The following ADGRG7 variants were observed in gnomAD, a reference collection of about 807,000 sequenced individuals.
The protein encoded by ADGRG7 is G-protein coupled receptor 128.
A neutral mutation model predicts 88.6 loss-of-function variants in ADGRG7; 82 were observed. That is an observed-to-expected ratio of 0.93 (90% CI 0.77 to 1.11). The LOEUF (loss-of-function observed/expected upper bound fraction) is 1.11, where lower values mean the gene tolerates loss of function less well. ADGRG7 is among the 50% of genes most tolerant of loss of function. The pLI is 0.00. For missense variants in ADGRG7, 945 were observed against 953.4 expected (o/e 0.99, Z 0.12); for synonymous variants, 381 against 345.2 (o/e 1.10, Z -1.15).
chr3:100,645,915 A>C, intron 8 of ADGRG7, 30 bp from the exon 9 acceptor site: 1 of 1,596,982 alleles, frequency 6.3e-7, no homozygotes, highest in East Asian at 2.2e-5. Flanking sequence ...CAGTGCACTT[A>C]TTGATTTTAA....
At chr3:100,653,852 G>A (rs2094933531) in intron 11 of ADGRG7, among the ~76,000 whole-genome samples, 1 of 151,990 alleles carries the variant, frequency 6.6e-6, no homozygotes, top group African/African-American at 2.4e-5. Context: ...AACTCCAGGA[G>A]CACAAAAGGA....
Position 100,633,393 on chromosome 3 carries a change from C to A in ADGRG7, c.447+16C>A. On this transcript the variant is annotated intron_variant, in intron 4 of 15. Transcript: ENST00000273352. Reference sequence around the variant, plus strand: ...GGAAAAGCAGGTATGCCATATGACTCACTGATGGGCAACTGGAAGAAGTTC... The same window carrying A: ...GGAAAAGCAGGTATGCCATATGACTAACTGATGGGCAACTGGAAGAAGTTC... 2 of 1,380,604 alleles carry A rather than the reference C, an allele frequency of 1.4e-6. No individual in the cohort carries two copies. Among genetic ancestry groups the A allele is most frequent in the Non-Finnish European group, 2.0e-6 (2 of 997,692 alleles). 85.5% of individuals were successfully genotyped at this position (1,380,604 alleles called of 1,614,324 possible).
chr3:100,641,817 G>T (rs1023127047), intron 6 of ADGRG7, among the ~76,000 whole-genome samples: 12 of 152,084 alleles, frequency 7.9e-5, no homozygotes, highest in African/African-American at 2.7e-4. Context: ...TTAATTTGTG[G>T]TTTTTCTCAC....
chr3:100,636,579 T>C (rs1287412809), intron 5 of ADGRG7, among the ~76,000 whole-genome samples: 4 of 152,156 alleles, frequency 2.6e-5, no homozygotes, highest in African/African-American at 9.7e-5. Context: ...TGTGTATAGG[T>C]TGAATATCAG....
chr3:100,620,361 C>G (rs970540406), intron 1 of ADGRG7, among the ~76,000 whole-genome samples: 44 of 152,180 alleles, frequency 2.9e-4, no homozygotes, highest in Non-Finnish European at 5.0e-4. Context: ...TTCAACAGCC[C>G]TTCATGCTAA....
chr3:100,654,652 A>G, intron 11 of ADGRG7, 183 bp from the exon 12 acceptor site: 1 of 517,020 alleles, frequency 1.9e-6, no homozygotes, highest in Non-Finnish European at 3.4e-6. Flanking sequence ...TGGAAATGAT[A>G]AGAGGAAAGT....
At chr3:100,640,228 TC>T (rs1707617589) in intron 6 of ADGRG7, among the ~76,000 whole-genome samples, 2 of 152,230 alleles carry the variant, frequency 1.3e-5, no homozygotes, top group Admixed American at 6.5e-5. Flanking sequence ...CCAAACTCTA[TC>T]TTCTGAACCT....
chr3:100,624,183 C>T lies in ADGRG7; in HGVS notation c.116-5415C>T, dbSNP rs1444052577. Among the ~76,000 whole-genome samples the T allele has an allele frequency of 2.0e-5, 3 of 152,196 alleles. No homozygotes were observed. The East Asian group carries it at 5.8e-4, about 29-fold the overall frequency. On this transcript the variant is annotated intron_variant, in intron 1 of 15. Transcript: ENST00000273352. ...GTGTAAAAGCATTCCTATTTCTCCACAGCCTTGCCAGCATATATTGTTTCT... is the reference window on the plus strand; with the variant it reads ...GTGTAAAAGCATTCCTATTTCTCCATAGCCTTGCCAGCATATATTGTTTCT...
intron 4 of ADGRG7, among the ~76,000 whole-genome samples, chr3:100,633,850 T>C (rs1707492119): frequency 1.3e-5 from 2 of 152,316 alleles, no homozygotes; most frequent in Non-Finnish European, 2.9e-5. Context: ...TTTTAAAAGT[T>C]GACATCAGTT....
intron 13 of ADGRG7, 38 bp from the exon 14 acceptor site, chr3:100,659,650 T>A: frequency 6.2e-7 from 1 of 1,602,624 alleles, no homozygotes; most frequent in Non-Finnish European, 8.5e-7. Context: ...TGTATACCTT[T>A]CTTAGTCTGC....
At chr3:100,640,402 G>A (rs542870554) in intron 6 of ADGRG7, among the ~76,000 whole-genome samples, 1 of 152,208 alleles carries the variant, frequency 6.6e-6, no homozygotes, top group African/African-American at 2.4e-5. Context: ...AAAGGGAGGA[G>A]AGTGACAGAG....
intron 4 of ADGRG7, among the ~76,000 whole-genome samples, chr3:100,634,382 C>T (rs1032198801): frequency 6.6e-6 from 1 of 152,024 alleles, no homozygotes; most frequent in Non-Finnish European, 1.5e-5. Flanking sequence ...CTACTGCATG[C>T]CAAATATTGT....
chr3:100,693,480 A>T (rs1258493248), intron 15 of ADGRG7, among the ~76,000 whole-genome samples: 1 of 152,186 alleles, frequency 6.6e-6, no homozygotes, highest in Non-Finnish European at 1.5e-5. Context: ...TTTTGGCCAG[A>T]GAACAAGTCT....
In ADGRG7 at chr3:100,609,783, T is replaced by G; in HGVS notation, c.-74T>G. On this transcript the variant is annotated 5_prime_UTR_variant, in exon 1 of 16. The change creates a new upstream start codon in the 5' untranslated region. Coordinates refer to ENST00000273352, the MANE Select transcript of ADGRG7 (RefSeq NM_032787.3). Reference sequence around the variant, plus strand: ...TTTCTGTTTTAGAATAGTTTCCGATTAAACTTTTTAGCTCAAGAAGAAAAG... The same window carrying G: ...TTTCTGTTTTAGAATAGTTTCCGATGAAACTTTTTAGCTCAAGAAGAAAAG... 1 of 1,127,580 alleles carries G rather than the reference T, an allele frequency of 8.9e-7. No individual in the cohort carries two copies. The allele number at this position is 1,127,580 out of a possible 1,614,324, so 69.8% of individuals were successfully genotyped here.
intron 14 of ADGRG7, chr3:100,664,938 G>T: frequency 3.0e-6 from 1 of 329,894 alleles, no homozygotes; most frequent in Non-Finnish European, 6.1e-6. Flanking sequence ...TTTCTTTACT[G>T]CAGAAAACAA....
rs752268742 is a variant in ADGRG7, at chr3:100,633,350, T to C, written c.420T>C (p.Asn140=). 6.3e-7 allele frequency: 1 copy of C among 1,587,872 alleles called. No individual in the cohort carries two copies. The highest frequency in any genetic ancestry group is 8.6e-7 in the Non-Finnish European group (1 of 1,166,400). ...ELQKVTIGNC[N]ENLETLEKQV... ...AAAAAGTGACAATAGGAAATTGCAA[T>C]GAAAATCTGGAAACCCTGGAAAAGC... is the stretch of plus-strand genomic sequence containing the variant. Residue 140 remains asparagine (N), a synonymous_variant, in exon 4 of 16, where the codon AAT becomes AAC. Coordinates refer to ENST00000273352, the MANE Select transcript of ADGRG7 (RefSeq NM_032787.3).
chr3:100,621,240 G>C (rs770012126), intron 1 of ADGRG7, among the ~76,000 whole-genome samples: 1 of 152,176 alleles, frequency 6.6e-6, no homozygotes, highest in South Asian at 2.1e-4. Flanking sequence ...TGAGCGAAAG[G>C]AAGAGTTGCA....
chr3:100,637,442 G>T, intron 6 of ADGRG7, 40 bp downstream of exon 6: 1 of 1,377,392 alleles, frequency 7.3e-7, no homozygotes, highest in Non-Finnish European at 1.0e-6. Context: ...CTTGACTAAG[G>T]GCTGTTTACT....
intron 15 of ADGRG7, among the ~76,000 whole-genome samples, chr3:100,686,663 T>G (rs1464205942): frequency 6.6e-6 from 1 of 152,192 alleles, no homozygotes; most frequent in African/African-American, 2.4e-5. Flanking sequence ...TTTTCTTAGG[T>G]TTGTCAAAGA....
Sources: allele counts gnomAD v4.1 joint callset (sites outside exome capture counted in the v4.1 genomes callset), GRCh38; gene constraint gnomAD v4.1.1; transcripts MANE v1.5; gene names NCBI Gene and HGNC (gene_info 2026-07-23, HGNC 2026-07-21).